The following NF2 variants were observed in gnomAD, a reference collection of about 807,000 sequenced individuals.
NF2 encodes the protein merlin.
Under a neutral mutation model 83.7 loss-of-function variants are expected in NF2, and 8 were observed. That is an observed-to-expected ratio of 0.10 (90% CI 0.06 to 0.17). The LOEUF (loss-of-function observed/expected upper bound fraction) is 0.17, where lower values mean the gene tolerates loss of function less well. Ranked by LOEUF, NF2 falls within the 10% of genes least tolerant of loss-of-function variation. NF2 has a pLI of 1.00. For synonymous variants in NF2, 266 were observed against 269.6 expected (o/e 0.99, Z 0.13); for missense variants, 533 against 744.4 (o/e 0.72, Z 3.31).
intron 1 of NF2, among the ~76,000 whole-genome samples, chr22:29,619,386 TTTTG>T (rs199935839): frequency 2.5e-4 from 37 of 148,714 alleles, no homozygotes; most frequent in African/African-American, 5.5e-4. Context: ...CATGGGTTTT[TTTTG>T]TTTGTTTGTT....
At chr22:29,604,146 C>A (rs1193327150) in intron 1 of NF2, 34 bp downstream of exon 1, 1 of 1,523,588 alleles carries the variant, frequency 6.6e-7, no homozygotes, top group Non-Finnish European at 9.0e-7. Context: ...GCTGCGGTGA[C>A]AGTCGAGGTG....
chr22:29,666,026 C>T (rs531495402), intron 9 of NF2, among the ~76,000 whole-genome samples: 1 of 152,026 alleles, frequency 6.6e-6, no homozygotes, highest in African/African-American at 2.4e-5. Flanking sequence ...TTTCCTTTTC[C>T]TTTTTCATTA....
rs886057361 is a variant in NF2, at chr22:29,696,361, C to T, written c.*1559C>T. 4.6e-6 allele frequency: 1 copy of T among 217,930 alleles called. No homozygotes were observed. Among genetic ancestry groups the T allele is most frequent in the Non-Finnish European group, 9.2e-6 (1 of 108,332 alleles). The allele number at this position is 217,930 out of a possible 1,614,324, so 13.5% of individuals were successfully genotyped here. A position where few individuals can be genotyped will look rare whatever the true frequency, so the allele number is the denominator to read the frequency against. ...GCCCCTTCTTGCCCTTTCTTTTCTC[C>T]ATGGCTGATGCTGCTGTGGCCAGCC... On this transcript the variant is annotated 3_prime_UTR_variant, in exon 16 of 16. Coordinates refer to ENST00000338641, the MANE Select transcript of NF2 (RefSeq NM_000268.4).
At chr22:29,631,396 C>T (rs914531274) in intron 1 of NF2, among the ~76,000 whole-genome samples, 12 of 152,200 alleles carry the variant, frequency 7.9e-5, no homozygotes, top group African/African-American at 2.9e-4. Context: ...TGTGTTGCCA[C>T]TGTACCCTGT....
At position 29,694,095 on chromosome 22, in the gene NF2, G is replaced by A. The variant is rs1260837514; in HGVS notation, c.1738-657G>A. Among the ~76,000 whole-genome samples the A allele has an allele frequency of 6.6e-6, 1 of 152,178 alleles. No individual in the cohort carries two copies. The highest frequency in any genetic ancestry group is 1.5e-5 in the Non-Finnish European group (1 of 68,026). ...GACTGTCCTTCTTTACATTTGCTGGGCAGAGTGCCACCTGTGTGCACCAGC... is the reference window on the plus strand; with the variant it reads ...GACTGTCCTTCTTTACATTTGCTGGACAGAGTGCCACCTGTGTGCACCAGC... On this transcript the variant is annotated intron_variant, in intron 15 of 15. Coordinates refer to ENST00000338641, the MANE Select transcript of NF2 (RefSeq NM_000268.4). The surrounding 1 kb of genome is among the most constrained non-coding windows in gnomAD (Gnocchi z 4.1).
At chr22:29,691,598 T>A (rs2067405515) in intron 15 of NF2, among the ~76,000 whole-genome samples, 1 of 152,254 alleles carries the variant, frequency 6.6e-6, no homozygotes, top group Non-Finnish European at 1.5e-5. Context: ...TCTGAGCTTT[T>A]GCCTTTTCCT....
At chr22:29,677,306 T>C (rs1569308990) in intron 13 of NF2, among the ~76,000 whole-genome samples, 1 of 151,926 alleles carries the variant, frequency 6.6e-6, no homozygotes, top group Non-Finnish European at 1.5e-5. Context: ...ATCGTGGTGT[T>C]TGAGAAGGGC....
intron 4 of NF2, among the ~76,000 whole-genome samples, chr22:29,649,428 C>T (rs1164498120): frequency 1.3e-5 from 2 of 152,090 alleles, no homozygotes; most frequent in South Asian, 2.1e-4. Flanking sequence ...TGGCCGGGTG[C>T]GGTGGCTCAC....
At chr22:29,667,880 A>G (rs558670674) in intron 9 of NF2, among the ~76,000 whole-genome samples, 4 of 151,080 alleles carry the variant, frequency 2.6e-5, no homozygotes, top group East Asian at 3.9e-4. Flanking sequence ...AAAAGTTTCA[A>G]GGGCTTAATC....
intron 1 of NF2, among the ~76,000 whole-genome samples, chr22:29,620,605 GGCATGTGCCTGTAATTCCAGC>G (rs2065193007): frequency 6.6e-6 from 1 of 151,918 alleles, no homozygotes; most frequent in Admixed American, 6.6e-5. Context: ...CGGGGGCAAT[GGCATGTGCCTGTAATTCCAGC>G]TACTTGGGAG....
chr22:29,672,847 T>G (rs2066842839), intron 11 of NF2, among the ~76,000 whole-genome samples: 1 of 151,414 alleles, frequency 6.6e-6, no homozygotes, highest in Non-Finnish European at 1.5e-5. Context: ...CTTGAACTCC[T>G]GACCTCAGGT....
intron 8 of NF2, among the ~76,000 whole-genome samples, chr22:29,663,304 T>C (rs2066527424): frequency 6.6e-6 from 1 of 152,188 alleles, no homozygotes; most frequent in Admixed American, 6.5e-5. Context: ...AAGCCAAGGA[T>C]TGAAATCTCC....
At chr22:29,660,088 T>A (rs1050232888) in intron 7 of NF2, among the ~76,000 whole-genome samples, 2 of 152,182 alleles carry the variant, frequency 1.3e-5, no homozygotes, top group African/African-American at 2.4e-5. Context: ...GGTCAGGAGC[T>A]GTAGTATCCT....
intron 1 of NF2, among the ~76,000 whole-genome samples, chr22:29,622,149 CAACTT>C (rs1387014374): frequency 1.3e-5 from 2 of 152,320 alleles, no homozygotes; most frequent in East Asian, 1.9e-4. Flanking sequence ...AGGACTTCCT[CAACTT>C]AACAACTATT....
chr22:29,673,445 C>T lies in NF2; in HGVS notation c.1299C>T (p.Ala433=), dbSNP rs749028891. ...TGATGGAGCAGAAGGTGCTGGAAGC[C>T]GAGGTGCTGGCACTGAAGATGGCTG... The part of the protein sequence containing the change: ...KRLMEQKVLE[A]EVLALKMAEE... The change falls in exon 12 of 16, where the codon GCC becomes GCT. Residue 433 remains alanine (A), a synonymous_variant. Coordinates refer to ENST00000338641, the MANE Select transcript of NF2 (RefSeq NM_000268.4). 26 of 1,612,032 alleles carry T rather than the reference C, an allele frequency of 1.6e-5. No individual in the cohort carries two copies. The highest frequency in any genetic ancestry group is 3.3e-5 in the South Asian group (3 of 90,134).
In NF2 at chr22:29,678,208, A is replaced by G. The variant is rs147506929; in HGVS notation, c.1459A>G (p.Ile487Val). 5 of 1,613,964 alleles carry G rather than the reference A, an allele frequency of 3.1e-6. No individual in the cohort carries two copies. Among genetic ancestry groups the G allele is most frequent in the African/African-American group, 2.7e-5 (2 of 74,904 alleles). ...TTCTCATTAACAGCCCATGAACCCA[A>G]TTCCAGCACCGTTGCCTCCTGACAT... Reference protein sequence around the residue: ...TKPTYPPMNPIPAPLPPDIPS... With the variant: ...TKPTYPPMNPVPAPLPPDIPS... The change falls in exon 14 of 16, where the codon ATT (isoleucine) becomes GTT (valine). Residue 487 changes from isoleucine (I) to valine (V), a missense_variant. Ile to Val is a conservative substitution (Grantham distance 29). Around this residue, in one of 3 missense-constraint regions of NF2, gnomAD observed 199 missense variants for 240.7 expected, o/e 0.83. Coordinates refer to ENST00000338641, the MANE Select transcript of NF2 (RefSeq NM_000268.4).
rs533382725 is a variant in NF2 at position 29,634,319 on chromosome 22, C to T, written c.115-2432C>T. 2.6e-5 allele frequency among the ~76,000 whole-genome samples: 4 copies of T among 152,340 alleles called. No homozygotes were observed. The East Asian group carries it at 7.7e-4, about 29-fold the overall frequency. On this transcript the variant is annotated intron_variant, in intron 1 of 15. Coordinates refer to ENST00000338641, the MANE Select transcript of NF2 (RefSeq NM_000268.4). ...AATTGGTGTCAGAGTTGATGCACTT[C>T]TCACTGTATTGCAAGTGCCAAGGGG...
intron 7 of NF2, among the ~76,000 whole-genome samples, chr22:29,660,491 A>G (rs1459467734): frequency 6.6e-6 from 1 of 152,226 alleles, no homozygotes; most frequent in East Asian, 1.9e-4. Flanking sequence ...GAGACCATCC[A>G]GCCCCAGGCA....
intron 3 of NF2, 77 bp downstream of exon 3, chr22:29,639,289 C>G (rs1814269693): frequency 6.4e-7 from 1 of 1,565,736 alleles, no homozygotes; most frequent in African/African-American, 1.4e-5. Context: ...TCAGAGTTGA[C>G]CACAAACACC....
Sources: gnomAD v4.1 joint callset for allele counts (sites outside exome capture counted in the v4.1 genomes callset) on GRCh38, gnomAD v4.1.1 for gene constraint, gnomAD v4.1.1 regional missense constraint, Gnocchi (gnomAD v3.1) non-coding constraint, MANE v1.5 for transcripts, NCBI Gene and HGNC (gene_info 2026-07-23, HGNC 2026-07-21) for gene names.